CRPPA: variants seen among roughly 807,000 people sequenced by gnomAD.
CRPPA encodes CDP-L-ribitol pyrophosphorylase A.
In CRPPA, 43 loss-of-function variants were observed where a neutral mutation model predicts 52.0. The ratio of observed to expected loss-of-function variants is 0.83; its 90% CI spans 0.65 to 1.07. The LOEUF is 1.07. Among genes scored for constraint, CRPPA ranks in the 50% least tolerant of loss-of-function variants. The pLI is 0.00. For synonymous variants in CRPPA, 250 were observed against 203.5 expected, an observed-to-expected ratio of 1.23 and a Z score of -1.94; for missense variants, 629 against 551.7, an observed-to-expected ratio of 1.14 and a Z score of -1.40.
At chr7:16,354,061 T>C (rs1359300021) in intron 3 of CRPPA, among the ~76,000 whole-genome samples, 2 of 152,084 alleles carry the variant, frequency 1.3e-5, no homozygotes, top group African/African-American at 4.8e-5. Flanking sequence ...TTTTACTATT[T>C]ATCATTTAAA....
chr7:16,145,827 A>G (rs548699496), intron 9 of CRPPA, among the ~76,000 whole-genome samples: 2 of 152,284 alleles, frequency 1.3e-5, no homozygotes, highest in South Asian at 4.1e-4. Flanking sequence ...TTAATGAAAC[A>G]TCATCAAATT....
intron 2 of CRPPA, among the ~76,000 whole-genome samples, chr7:16,377,161 G>A (rs1786913279): frequency 6.6e-6 from 1 of 152,196 alleles, no homozygotes; most frequent in South Asian, 2.1e-4. Context: ...CCAAGGGACT[G>A]GCTGAAAATC....
chr7:16,169,790 T>A (rs888363038), intron 9 of CRPPA, among the ~76,000 whole-genome samples: 11 of 152,304 alleles, frequency 7.2e-5, no homozygotes, highest in Admixed American at 7.2e-4. Flanking sequence ...AAAATGAGGT[T>A]ATTTCCAACA....
At chr7:16,283,982 G>A (rs1784371585) in intron 5 of CRPPA, among the ~76,000 whole-genome samples, 1 of 152,086 alleles carries the variant, frequency 6.6e-6, no homozygotes, top group Admixed American at 6.5e-5. Context: ...AACAGATGCT[G>A]AAAGTAGCAT....
At chr7:16,289,129 C>A (rs185524400) in intron 5 of CRPPA, among the ~76,000 whole-genome samples, 1 of 152,002 alleles carries the variant, frequency 6.6e-6, no homozygotes, top group African/African-American at 2.4e-5. Flanking sequence ...TTCCAGGACA[C>A]ATACAACCTA....
At chr7:16,140,251 G>T (rs1782842580) in intron 9 of CRPPA, among the ~76,000 whole-genome samples, 1 of 152,112 alleles carries the variant, frequency 6.6e-6, no homozygotes, top group Non-Finnish European at 1.5e-5. Flanking sequence ...GGGATCAAGT[G>T]ATTCTTGTGC....
intron 6 of CRPPA, among the ~76,000 whole-genome samples, chr7:16,266,636 G>A (rs1783961602): frequency 6.6e-6 from 1 of 151,734 alleles, no homozygotes; most frequent in Admixed American, 6.6e-5. Flanking sequence ...TCACCACCAC[G>A]CCTGACTAAT....
chr7:16,406,157 G>C lies in CRPPA; in HGVS notation c.438C>G (p.Leu146=). 2 of 1,613,972 alleles carry C rather than the reference G, an allele frequency of 1.2e-6. No homozygotes were observed. The highest frequency in any genetic ancestry group is 1.1e-5 in the South Asian group (1 of 91,076). Reference sequence around the variant, plus strand: ...GGATAATCACTACTTCTGGCTTAGAGAGTTTAGAGTTGATCTGATCTTCTG... The same window carrying C: ...GGATAATCACTACTTCTGGCTTAGACAGTTTAGAGTTGATCTGATCTTCTG... ...ALAEDQINSK[L]SKPEVVIIHD... is the part of the protein sequence containing the mutation. Residue 146 remains leucine (L), a synonymous_variant, in exon 2 of 10, where the codon CTC becomes CTG. Transcript: ENST00000407010.
chr7:16,122,425 A>G (rs748118658), intron 9 of CRPPA, among the ~76,000 whole-genome samples: 2 of 152,090 alleles, frequency 1.3e-5, no homozygotes, highest in African/African-American at 2.4e-5. Context: ...GAAAAAAACA[A>G]TTGATAATCT....
chr7:16,305,259 T>G (rs1334368321), intron 4 of CRPPA, among the ~76,000 whole-genome samples: 3 of 152,072 alleles, frequency 2.0e-5, no homozygotes, highest in Non-Finnish European at 2.9e-5. Context: ...ACAGCAATAT[T>G]TGCATTCTAG....
chr7:16,345,247 C>A (rs1785982191), intron 3 of CRPPA, among the ~76,000 whole-genome samples: 1 of 152,098 alleles, frequency 6.6e-6, no homozygotes. Flanking sequence ...GTATTCTATT[C>A]CAGCAAAATA....
At chr7:16,395,992 G>A (rs888611642) in intron 2 of CRPPA, among the ~76,000 whole-genome samples, 2 of 152,170 alleles carry the variant, frequency 1.3e-5, no homozygotes, top group African/African-American at 4.8e-5. Context: ...GAATAGGTCA[G>A]TCCTTGGTCC....
chr7:16,101,413 C>T (rs746759491), intron 9 of CRPPA, among the ~76,000 whole-genome samples: 24 of 152,072 alleles, frequency 1.6e-4, no homozygotes, highest in Non-Finnish European at 3.2e-4. Context: ...TCCATTTCTT[C>T]TAGATTTTCT....
chr7:16,106,790 C>G (rs1782161382), intron 9 of CRPPA, among the ~76,000 whole-genome samples: 1 of 152,014 alleles, frequency 6.6e-6, no homozygotes, highest in South Asian at 2.1e-4. Flanking sequence ...AATAGTCTAC[C>G]TCAAAGGAAT....
chr7:16,375,840 G>A (rs1277723454), intron 3 of CRPPA, among the ~76,000 whole-genome samples: 1 of 152,192 alleles, frequency 6.6e-6, no homozygotes, highest in Non-Finnish European at 1.5e-5. Context: ...TGGAAGGAAG[G>A]TGTGCTTTGC....
In CRPPA at chr7:16,382,908, A is replaced by G. The variant is rs185405696; in HGVS notation, c.535-6667T>C. ...ATACATTCGTCTAAATTTTTTTCAA[A>G]GTTTTTAACTTCTTTGCCTTTGGCT... On this transcript the variant is annotated intron_variant, in intron 2 of 9. Coordinates refer to ENST00000407010, the MANE Select transcript of CRPPA (RefSeq NM_001101426.4). 9.7e-3 allele frequency among the ~76,000 whole-genome samples: 1,472 copies of G among 152,164 alleles called. 30 individuals carry two copies. The highest frequency in any genetic ancestry group is 0.034 in the African/African-American group (1,414 of 41,488).
At chr7:16,100,179 T>C (rs1238363261) in intron 9 of CRPPA, among the ~76,000 whole-genome samples, 2 of 152,216 alleles carry the variant, frequency 1.3e-5, no homozygotes, top group African/African-American at 4.8e-5. Flanking sequence ...ATAATCATTA[T>C]TATTTCTGCC....
At chr7:16,405,142 A>C (rs2128318275) in intron 2 of CRPPA, among the ~76,000 whole-genome samples, 1 of 151,930 alleles carries the variant, frequency 6.6e-6, no homozygotes, top group Admixed American at 6.6e-5. Flanking sequence ...GATGGCTAGG[A>C]AGGCTTGCTT....
chr7:16,394,279 G>GA (rs1787517558), intron 2 of CRPPA, among the ~76,000 whole-genome samples: 1 of 152,162 alleles, frequency 6.6e-6, no homozygotes, highest in Admixed American at 6.5e-5. Context: ...ATATACAGTA[G>GA]TGATTACGAA....
Sources: gnomAD v4.1 joint callset for allele counts (sites outside exome capture counted in the v4.1 genomes callset) on GRCh38, gnomAD v4.1.1 for gene constraint, MANE v1.5 for transcripts, NCBI Gene and HGNC (gene_info 2026-07-23, HGNC 2026-07-21) for gene names.